The following APOBEC3A variants were observed in gnomAD, a reference collection of about 807,000 sequenced individuals.
APOBEC3A encodes the protein apolipoprotein B mRNA editing enzyme catalytic subunit 3A.
Under a neutral mutation model 23.0 loss-of-function variants are expected in APOBEC3A, and 13 were observed. The ratio of observed to expected loss-of-function variants is 0.57; its 90% CI spans 0.37 to 0.90. APOBEC3A has a LOEUF of 0.90. Ranked by LOEUF, APOBEC3A falls within the 40% of genes least tolerant of loss-of-function variation. APOBEC3A has a pLI of 0.01. For synonymous variants in APOBEC3A, 74 were observed against 101.3 expected (o/e 0.73, Z 1.62); for missense variants, 179 against 264.9 (o/e 0.68, Z 2.25).
At chr22:38,960,187 G>A (rs1379970471) in intron 2 of APOBEC3A, among the ~76,000 whole-genome samples, 2 of 152,196 alleles carry the variant, frequency 1.3e-5, no homozygotes, top group African/African-American at 2.4e-5. Flanking sequence ...CAGGCTGAGG[G>A]GCCCTGAGCC....
intron 1 of APOBEC3A, among the ~76,000 whole-genome samples, chr22:38,958,755 C>T (rs1288933542): frequency 1.2e-5 from 1 of 82,846 alleles, no homozygotes; most frequent in Non-Finnish European, 2.2e-5. Flanking sequence ...TCCTTCCTTC[C>T]TCCATCTCTC....
In APOBEC3A at chr22:38,958,769, C is replaced by CTCTTTCTT. The variant is rs55894125; in HGVS notation, c.30-750_30-743dup. Among the ~76,000 whole-genome samples, 259 of 109,446 alleles carry CTCTTTCTT rather than the reference C, an allele frequency of 2.4e-3. 6 individuals carry two copies. The highest frequency in any genetic ancestry group is 5.3e-3 in the Middle Eastern group (1 of 188). 71.8% of individuals were successfully genotyped at this position (109,446 alleles called of 152,430 possible). A position where few individuals can be genotyped will look rare whatever the true frequency, so the allele number is the denominator to read the frequency against. On this transcript the variant is annotated intron_variant, in intron 1 of 4. Coordinates refer to ENST00000249116, the MANE Select transcript of APOBEC3A (RefSeq NM_145699.4). Reference sequence around the variant, plus strand: ...TTCCTTCCTTCCTCCATCTCTCTTTCTCTTTCTTTCTTTCTTTCTTTCTTT... The same window carrying CTCTTTCTT: ...TTCCTTCCTTCCTCCATCTCTCTTTCTCTTTCTTTCTTTCTTTCTTTCTTTCTTTCTTT...
intron 1 of APOBEC3A, among the ~76,000 whole-genome samples, 200 bp from the exon 2 acceptor site, chr22:38,959,342 T>G (rs533187586): frequency 3.3e-5 from 5 of 151,940 alleles, no homozygotes; most frequent in African/African-American, 4.8e-5. Context: ...TGACAAGGCT[T>G]AGACAGGCCC....
intron 1 of APOBEC3A, among the ~76,000 whole-genome samples, chr22:38,959,168 G>GAGGA (rs1439733004): frequency 6.6e-6 from 1 of 152,194 alleles, no homozygotes; most frequent in Non-Finnish European, 1.5e-5. Context: ...CTGCAGGCAG[G>GAGGA]AGGAAGCCCC....
rs1299269247 is a variant in APOBEC3A, at chr22:38,963,097, A to G, written c.*588A>G. 1 of 155,030 alleles carries G rather than the reference A, an allele frequency of 6.5e-6. No homozygotes were observed. Among genetic ancestry groups the G allele is most frequent in the Non-Finnish European group, 1.4e-5 (1 of 70,776 alleles). 9.6% of individuals were successfully genotyped at this position (155,030 alleles called of 1,614,324 possible). A position where few individuals can be genotyped will look rare whatever the true frequency, so the allele number is the denominator to read the frequency against. ...AAATGAAATGATAATTTGGCTTCAT[A>G]TCTAGACTAACACAAAATTAAGAAT... On this transcript the variant is annotated 3_prime_UTR_variant, in exon 5 of 5. Transcript: ENST00000249116.
At chr22:38,959,473 G>C (rs1922768390) in intron 1 of APOBEC3A, 69 bp from the exon 2 acceptor site, 3 of 1,560,118 alleles carry the variant, frequency 1.9e-6, no homozygotes, top group Non-Finnish European at 2.6e-6. Context: ...GAAGTGTGGG[G>C]AGGGAGGAGG....
At chr22:38,959,278 A>C (rs111768893) in intron 1 of APOBEC3A, among the ~76,000 whole-genome samples, 11 of 152,262 alleles carry the variant, frequency 7.2e-5, no homozygotes, top group African/African-American at 2.6e-4. Context: ...CAGGGAGAGG[A>C]GCAGGGTCCT....
chr22:38,957,943 A>G (rs1195681071), intron 1 of APOBEC3A, among the ~76,000 whole-genome samples: 2 of 152,122 alleles, frequency 1.3e-5, no homozygotes, highest in African/African-American at 4.8e-5. Flanking sequence ...GGGCAGGTGC[A>G]CAGGGAGCCT....
chr22:38,960,142 G>T (rs1603263946), intron 2 of APOBEC3A, among the ~76,000 whole-genome samples: 1 of 152,216 alleles, frequency 6.6e-6, no homozygotes, highest in Non-Finnish European at 1.5e-5. Context: ...CAGGATGCAG[G>T]GATGTCCAGC....
intron 1 of APOBEC3A, among the ~76,000 whole-genome samples, 163 bp downstream of exon 1, chr22:38,957,883 G>T (rs1452878546): frequency 6.6e-6 from 1 of 152,086 alleles, no homozygotes; most frequent in Non-Finnish European, 1.5e-5. Flanking sequence ...TGGTCCCAGC[G>T]CTGGTCTCTC....
chr22:38,959,488 A>G, intron 1 of APOBEC3A, 54 bp from the exon 2 acceptor site: 1 of 1,589,060 alleles, frequency 6.3e-7, no homozygotes, highest in Non-Finnish European at 8.6e-7. Context: ...AGGAGGAGGC[A>G]GGGCAGTCCA....
chr22:38,960,280 C>T (rs1419017455), intron 2 of APOBEC3A, among the ~76,000 whole-genome samples: 1 of 152,220 alleles, frequency 6.6e-6, no homozygotes, highest in East Asian at 1.9e-4. Context: ...GTGCTGGAAA[C>T]TGGGACCTTC....
intron 1 of APOBEC3A, 46 bp from the exon 2 acceptor site, chr22:38,959,496 C>T (rs138878723): frequency 8.9e-5 from 142 of 1,599,398 alleles, no homozygotes; most frequent in Non-Finnish European, 1.1e-4. Flanking sequence ...GCAGGGCAGT[C>T]CAGGAGGGCT....
intron 3 of APOBEC3A, among the ~76,000 whole-genome samples, 160 bp from the exon 4 acceptor site, chr22:38,961,938 G>A (rs1922912753): frequency 6.6e-6 from 1 of 152,008 alleles, no homozygotes; most frequent in Non-Finnish European, 1.5e-5. Flanking sequence ...ATTCCAATGG[G>A]AAGGAACTGC....
In APOBEC3A at chr22:38,962,183, C is replaced by T; in HGVS notation, c.555C>T (p.Ala185=). 1 of 1,613,586 alleles carries T rather than the reference C, an allele frequency of 6.2e-7. No individual in the cohort carries two copies. Among genetic ancestry groups the T allele is most frequent in the African/African-American group, 1.3e-5 (1 of 74,872 alleles). Residue 185 remains alanine, a synonymous_variant, in exon 4 of 5, where the codon GCC becomes GCT. Coordinates refer to ENST00000249116, the MANE Select transcript of APOBEC3A (RefSeq NM_145699.4). ...ATGGACTAGATGAGCACAGCCAAGC[C>T]CTGAGTGGGAGGCTGCGGGCCATTC... ...PWDGLDEHSQ[A]LSGRLRAILQ...
Position 38,959,777 on chromosome 22 carries a change from C to T in APOBEC3A, c.174+91C>T, listed in dbSNP as rs146311353. On this transcript the variant is annotated intron_variant, in intron 2 of 4. Coordinates refer to ENST00000249116, the MANE Select transcript of APOBEC3A (RefSeq NM_145699.4). ...GGTTCCGGATTGTACTTGTGGTTTC[C>T]TGCAGTGTTTGTCACTTGTGCTTCC... The T allele has an allele frequency of 1.5e-3, 2,293 of 1,505,150 alleles. 9 individuals are homozygous for T. The Middle Eastern group carries it at 0.024, about 16-fold the overall frequency. 93.2% of individuals were successfully genotyped at this position (1,505,150 alleles called of 1,614,324 possible). A position where few individuals can be genotyped will look rare whatever the true frequency, so the allele number is the denominator to read the frequency against.
intron 1 of APOBEC3A, among the ~76,000 whole-genome samples, chr22:38,958,015 C>G (rs1357462689): frequency 6.6e-6 from 1 of 152,260 alleles, no homozygotes; most frequent in African/African-American, 2.4e-5. Flanking sequence ...AGAGGGGATT[C>G]TCCTCACTTG....
At chr22:38,959,513 C>T (rs1922770592) in intron 1 of APOBEC3A, 29 bp from the exon 2 acceptor site, 1 of 1,609,304 alleles carries the variant, frequency 6.2e-7, no homozygotes, top group Non-Finnish European at 8.5e-7. Context: ...GGCTCTTCCT[C>T]CTCTGGTCTT....
intron 4 of APOBEC3A, 54 bp downstream of exon 4, chr22:38,962,267 C>G (rs562477303): frequency 1.9e-6 from 3 of 1,612,902 alleles, no homozygotes; most frequent in Non-Finnish European, 2.5e-6. Context: ...CTCCTCCCCA[C>G]TCCCCTGGGC....
Sources: gnomAD v4.1 joint callset for allele counts (sites outside exome capture counted in the v4.1 genomes callset) on GRCh38, gnomAD v4.1.1 for gene constraint, MANE v1.5 for transcripts, NCBI Gene and HGNC (gene_info 2026-07-23, HGNC 2026-07-21) for gene names.